The following PEX10 variants were observed in gnomAD, a reference collection of about 807,000 sequenced individuals.
PEX10 encodes peroxisomal biogenesis factor 10.
PEX10 carries 32 observed loss-of-function variants against 38.0 expected under a neutral mutation model. The observed-to-expected ratio is 0.84, with a 90% CI of 0.63 to 1.13. The LOEUF (loss-of-function observed/expected upper bound fraction) is 1.13, where lower values mean the gene tolerates loss of function less well. Among genes scored for constraint, PEX10 ranks in the 50% most tolerant of loss-of-function variants. The probability of loss-of-function intolerance (pLI) is 0.00; values close to 1 mark genes in which losing one functional copy is unlikely to be tolerated. For missense variants in PEX10, 483 were observed against 457.7 expected, an observed-to-expected ratio of 1.06 and a Z score of -0.51; for synonymous variants, 206 against 207.3, an observed-to-expected ratio of 0.99 and a Z score of 0.05.
Position 2,405,739 on chromosome 1 carries a change from T to G in PEX10, c.*27A>C. 1 of 1,581,752 alleles carries G rather than the reference T, an allele frequency of 6.3e-7. No individual in the cohort carries two copies. Among genetic ancestry groups the G allele is most frequent in the Non-Finnish European group, 8.6e-7 (1 of 1,162,782 alleles). Reference sequence around the variant, plus strand: ...CGTTCAGACTCCCGTAGAGGTCATCTGTGTCCAGGCCCACCCGGGCGCCGG... The same window carrying G: ...CGTTCAGACTCCCGTAGAGGTCATCGGTGTCCAGGCCCACCCGGGCGCCGG... On this transcript the variant is annotated 3_prime_UTR_variant, in exon 6 of 6. Coordinates refer to ENST00000447513, the MANE Select transcript of PEX10 (RefSeq NM_002617.4).
chr1:2,412,749 CGGG>C (rs1643303989), upstream of PEX10, among the ~76,000 whole-genome samples: 4 of 150,742 alleles, frequency 2.7e-5, no homozygotes, highest in African/African-American at 9.8e-5. Flanking sequence ...CGGAGCGGAG[CGGG>C]GCGGGGCCCG....
In PEX10 at chr1:2,405,204, C is replaced by G; in HGVS notation, c.*562G>C. The G allele has an allele frequency of 4.9e-6, 1 of 204,834 alleles. No individual in the cohort carries two copies. Among genetic ancestry groups the G allele is most frequent in the Non-Finnish European group, 1.0e-5 (1 of 99,354 alleles). 12.7% of individuals were successfully genotyped at this position (204,834 alleles called of 1,614,324 possible). On this transcript the variant is annotated 3_prime_UTR_variant, in exon 6 of 6. Transcript: ENST00000447513. ...CTGGCCTTGGTTGGTTTCTCTCTGC[C>G]CCGTGTGGTCATCAAGTCCTGGGGG... is the stretch of plus-strand genomic sequence containing the variant.
chr1:2,404,986 AG>A lies in PEX10; in HGVS notation c.*779del, dbSNP rs1642949303. The A allele has an allele frequency of 6.5e-6, 1 of 154,576 alleles. No individual in the cohort carries two copies. The highest frequency in any genetic ancestry group is 2.4e-5 in the African/African-American group (1 of 41,478). 9.6% of individuals were successfully genotyped at this position (154,576 alleles called of 1,614,324 possible). A position where few individuals can be genotyped will look rare whatever the true frequency, so the allele number is the denominator to read the frequency against. ...TGGGTCAGCAGGTCGCCTGCCCAGC[AG>A]GCCCCCCAGGAGAGGGCTCGGGCGC... On this transcript the variant is annotated 3_prime_UTR_variant, in exon 6 of 6. Transcript: ENST00000447513.
rs140931939 is a variant in PEX10 at position 2,409,004 on chromosome 1, G to C, written c.194-146C>G. The C allele has an allele frequency of 6.5e-4, 522 of 805,818 alleles. 4 individuals carry two copies. The East Asian group carries it at 0.012, about 18-fold the overall frequency. 49.9% of individuals were successfully genotyped at this position (805,818 alleles called of 1,614,324 possible). On this transcript the variant is annotated intron_variant, in intron 2 of 5. Coordinates refer to ENST00000447513, the MANE Select transcript of PEX10 (RefSeq NM_002617.4). This position sits in a 1 kb window ranked among gnomAD's most constrained non-coding sequence, Gnocchi z 6.2. ...AGCCCACTGTCACCCCGTGCTGGCTGAGGCCAACATGACCTTCTGTCGCTA... is the reference window on the plus strand; with the variant it reads ...AGCCCACTGTCACCCCGTGCTGGCTCAGGCCAACATGACCTTCTGTCGCTA...
chr1:2,412,820 C>G (rs1360481205), upstream of PEX10, among the ~76,000 whole-genome samples: 1 of 152,126 alleles, frequency 6.6e-6, no homozygotes, highest in Non-Finnish European at 1.5e-5. Flanking sequence ...GCGGGATGGG[C>G]TCGCGGCCGC....
intron 1 of PEX10, 108 bp downstream of exon 1, chr1:2,412,283 G>A: frequency 8.0e-7 from 1 of 1,247,952 alleles, no homozygotes; most frequent in African/African-American, 1.6e-5. Context: ...CCCAGGTTGT[G>A]GGACGGGCCC....
At chr1:2,407,055 G>A in intron 3 of PEX10, 160 bp from the exon 4 acceptor site, 1 of 1,006,424 alleles carries the variant, frequency 9.9e-7, no homozygotes, top group Admixed American at 2.0e-5. Context: ...CAGGGGGCAG[G>A]TTCAGGGAGT....
upstream of PEX10, among the ~76,000 whole-genome samples, chr1:2,413,289 T>TTCCAACC (rs1265773392): frequency 6.6e-6 from 1 of 152,220 alleles, no homozygotes; most frequent in Non-Finnish European, 1.5e-5. Context: ...GAAGGTGGCC[T>TTCCAACC]TCCACCCTCC....
chr1:2,409,569 C>T lies in PEX10; in HGVS notation c.194-711G>A, dbSNP rs1361783446. 6.3e-6 allele frequency: 1 copy of T among 159,636 alleles called. No homozygotes were observed. The highest frequency in any genetic ancestry group is 1.4e-5 in the Non-Finnish European group (1 of 72,234). 9.9% of individuals were successfully genotyped at this position (159,636 alleles called of 1,614,324 possible). On this transcript the variant is annotated intron_variant, in intron 2 of 5. Transcript: ENST00000447513. This position sits in a 1 kb window ranked among gnomAD's most constrained non-coding sequence, Gnocchi z 6.2. ...GCCTCTGTAGTCTCCCTGAGCCCAA[C>T]TTTGTCCCCTGAGGTCTGGTCTTAG...
rs1018144481 is a variant in PEX10 at position 2,405,457 on chromosome 1, T to C, written c.*309A>G. The C allele has an allele frequency of 1.9e-6, 1 of 518,708 alleles. No homozygotes were observed. Among genetic ancestry groups the C allele is most frequent in the Non-Finnish European group, 3.5e-6 (1 of 283,716 alleles). 32.1% of individuals were successfully genotyped at this position (518,708 alleles called of 1,614,324 possible). A position where few individuals can be genotyped will look rare whatever the true frequency, so the allele number is the denominator to read the frequency against. On this transcript the variant is annotated 3_prime_UTR_variant, in exon 6 of 6. Coordinates refer to ENST00000447513, the MANE Select transcript of PEX10 (RefSeq NM_002617.4). Reference sequence around the variant, plus strand: ...GCCTACTTCTGAATTACTTCTCAACTGTATGGTTTGGGGAAGGGAGGGAAA... The same window carrying C: ...GCCTACTTCTGAATTACTTCTCAACCGTATGGTTTGGGGAAGGGAGGGAAA...
At chr1:2,411,067 CCT>C (rs1292491792) in intron 1 of PEX10, among the ~76,000 whole-genome samples, 1 of 152,088 alleles carries the variant, frequency 6.6e-6, no homozygotes, top group African/African-American at 2.4e-5. Context: ...GCCTGGCTGT[CCT>C]CTGATATTTA....
Position 2,406,962 on chromosome 1 carries a change from G to A in PEX10, c.601-67C>T, listed in dbSNP as rs2100423613. 1.3e-6 allele frequency: 2 copies of A among 1,563,712 alleles called. No homozygotes were observed. The highest frequency in any genetic ancestry group is 1.7e-6 in the Non-Finnish European group (2 of 1,153,534). On this transcript the variant is annotated intron_variant, in intron 3 of 5. Coordinates refer to ENST00000447513, the MANE Select transcript of PEX10 (RefSeq NM_002617.4). ...GATCTGGCCTCAGCGCCTGCTGGGA[G>A]GGTCACACGTTCAGTTGGCACAGAG...
upstream of PEX10, among the ~76,000 whole-genome samples, chr1:2,412,732 C>G (rs112472583): frequency 5.3e-3 from 810 of 151,478 alleles, 2 homozygotes; most frequent in East Asian, 0.011. Context: ...TAGTCGGAGG[C>G]GCAGGGCGGA....
At position 2,406,334 on chromosome 1, in the gene PEX10, CT is replaced by C; in HGVS notation, c.912+149del. On this transcript the variant is annotated intron_variant, in intron 5 of 5. Coordinates refer to ENST00000447513, the MANE Select transcript of PEX10 (RefSeq NM_002617.4). ...CCCCCTCAACGAACCCACATCTGAC[CT>C]ACCTGGGAGCCTTTAAAAAGATGCC... 2.9e-6 allele frequency: 3 copies of C among 1,019,020 alleles called. No individual in the cohort carries two copies. In the South Asian group the frequency reaches 4.0e-5, roughly 14 times the overall value. 63.1% of individuals were successfully genotyped at this position (1,019,020 alleles called of 1,614,324 possible).
intron 1 of PEX10, among the ~76,000 whole-genome samples, chr1:2,411,641 C>A (rs544671218): frequency 3.3e-5 from 5 of 152,034 alleles, no homozygotes; most frequent in Admixed American, 1.3e-4. Flanking sequence ...CGGGCTCAGG[C>A]GATTCTCTTG....
chr1:2,413,319 C>G (rs1267011622), upstream of PEX10, among the ~76,000 whole-genome samples: 5 of 152,258 alleles, frequency 3.3e-5, no homozygotes, highest in African/African-American at 9.6e-5. Flanking sequence ...CCTGCCTGGC[C>G]TGAGCCCCGC....
chr1:2,406,714 A>G lies in PEX10; in HGVS notation c.776+6T>C. On this transcript the variant is annotated splice_donor_region_variant and intron_variant, in intron 4 of 5. Transcript: ENST00000447513. ...CCCAGCCCCCATGTGTGGCCCCCGC[A>G]CGCACCTGCGGTGAGACAGGCCGCG... The G allele has an allele frequency of 6.2e-7, 1 of 1,608,970 alleles. No individual in the cohort carries two copies. The highest frequency in any genetic ancestry group is 1.1e-5 in the South Asian group (1 of 90,446).
intron 4 of PEX10, 42 bp downstream of exon 4, chr1:2,406,677 GC>G: frequency 6.2e-7 from 1 of 1,611,164 alleles, no homozygotes; most frequent in Non-Finnish European, 8.5e-7. Context: ...CTTGTGAAGT[GC>G]CCAGGACACC....
At position 2,405,851 on chromosome 1, in the gene PEX10, G is replaced by A. The variant is rs1281864112; in HGVS notation, c.913-17C>T. ...ACACTCCGCCTGCGGAGAGGAGAAA[G>A]GGGGTCACAGCAGCTGGGGCCACTG... On this transcript the variant is annotated splice_polypyrimidine_tract_variant and intron_variant, in intron 5 of 5. Transcript: ENST00000447513. 1 of 1,578,032 alleles carries A rather than the reference G, an allele frequency of 6.3e-7. No homozygotes were observed.
Sources: gnomAD v4.1 joint callset for allele counts (sites outside exome capture counted in the v4.1 genomes callset) on GRCh38, gnomAD v4.1.1 for gene constraint, Gnocchi (gnomAD v3.1) non-coding constraint, MANE v1.5 for transcripts, NCBI Gene and HGNC (gene_info 2026-07-23, HGNC 2026-07-21) for gene names.